The following UGT2B4 variants were observed in gnomAD, a reference collection of about 807,000 sequenced individuals.
UGT2B4 encodes UDP glucuronosyltransferase family 2 member B4.
UGT2B4 carries 49 observed loss-of-function variants against 49.8 expected under a neutral mutation model. The observed-to-expected ratio is 0.98, with a 90% confidence interval of 0.78 to 1.25. UGT2B4 has a LOEUF of 1.25. Among genes scored for constraint, UGT2B4 ranks in the 50% most tolerant of loss-of-function variants. The pLI is 0.00. For missense variants in UGT2B4, 729 were observed against 627.7 expected (o/e 1.16, Z -1.73); for synonymous variants, 246 against 217.7 (o/e 1.13, Z -1.14).
chr4:69,480,442 G>T lies in UGT2B4; in HGVS notation c.*192C>A. 1.3e-6 allele frequency: 1 copy of T among 764,156 alleles called. No homozygotes were observed. Among genetic ancestry groups the T allele is most frequent in the Non-Finnish European group, 2.0e-6 (1 of 501,410 alleles). 47.3% of individuals were successfully genotyped at this position (764,156 alleles called of 1,614,324 possible). A position where few individuals can be genotyped will look rare whatever the true frequency, so the allele number is the denominator to read the frequency against. ...TTATATCATTTTTGTTTTCCCTAAT[G>T]TTTTCCTCCTTGACATGAAATATTT... On this transcript the variant is annotated 3_prime_UTR_variant, in exon 6 of 6. Transcript: ENST00000305107.
rs1560439089 is a variant in UGT2B4 at position 69,502,115 on chromosome 4, TTC to T, written c.-105-6151_-105-6150del. 2.4e-5 allele frequency among the ~76,000 whole-genome samples: 3 copies of T among 122,546 alleles called. No homozygotes were observed. The South Asian group carries it at 7.8e-4, about 32-fold the overall frequency. The allele number at this position is 122,546 out of a possible 152,430, so 80.4% of individuals were successfully genotyped here. A position where few individuals can be genotyped will look rare whatever the true frequency, so the allele number is the denominator to read the frequency against. On this transcript the variant is annotated intron_variant, in intron 1 of 1. Transcript: ENST00000510114. ...TCTCTTTCTTTCTTTCTTTCTTTCT[TTC>T]TTTCTTTCTTTCTTTCTTTCTTTCT...
At position 69,495,229 on chromosome 4, in the gene UGT2B4, T is replaced by A. The variant is rs759448657; in HGVS notation, c.633A>T (p.Val211=). The change falls in exon 1 of 6, where the codon GTA becomes GTT. Residue 211 remains valine (V), a synonymous_variant. Transcript: ENST00000305107. ...AATAAAGCACATAGATCATATTTTT[T>A]ACCCTCTCTATGAAAGTCATTTGGT... ...LSDQMTFIER[V]KNMIYVLYFE... 36 of 1,609,052 alleles carry A rather than the reference T, an allele frequency of 2.2e-5. No individual in the cohort carries two copies. In the Admixed American group the frequency reaches 6.2e-4, roughly 27 times the overall value.
intron 1 of UGT2B4, among the ~76,000 whole-genome samples, chr4:69,494,716 C>T (rs1278104259): frequency 6.6e-6 from 1 of 152,000 alleles, no homozygotes; most frequent in Non-Finnish European, 1.5e-5. Context: ...AATAATAAGA[C>T]TGAAATATAC....
In UGT2B4 at chr4:69,507,775, A is replaced by G. The variant is rs569072334; in HGVS notation, c.-105-11809T>C. Among the ~76,000 whole-genome samples the G allele has an allele frequency of 1.3e-4, 20 of 152,340 alleles. No homozygotes were observed. In the East Asian group the frequency reaches 3.3e-3, roughly 25 times the overall value. On this transcript the variant is annotated intron_variant, in intron 1 of 1. Coordinates refer to the UGT2B4 transcript ENST00000510114. ...AAAACCCTGGAAGACAAACTATGCA[A>G]TAGCATTCAGAATATAGACACGGGC...
intron 1 of UGT2B4, among the ~76,000 whole-genome samples, chr4:69,516,873 CTTCT>C (rs1161082002): frequency 1.4e-5 from 2 of 140,016 alleles, no homozygotes; most frequent in African/African-American, 5.4e-5. Flanking sequence ...CTCCCAAAGG[CTTCT>C]TTTTTTTTTT....
At chr4:69,515,932 A>C (rs558592890) in intron 1 of UGT2B4, among the ~76,000 whole-genome samples, 1 of 152,242 alleles carries the variant, frequency 6.6e-6, no homozygotes, top group East Asian at 1.9e-4. Flanking sequence ...TGCTGCACAG[A>C]TCAACCCATC....
At chr4:69,502,557 T>C (rs1728369556) in intron 1 of UGT2B4, among the ~76,000 whole-genome samples, 1 of 152,128 alleles carries the variant, frequency 6.6e-6, no homozygotes, top group African/African-American at 2.4e-5. Context: ...CCCAGCATAC[T>C]GCAGCAGCCC....
At chr4:69,523,371 T>C (rs1728888426) in intron 1 of UGT2B4, among the ~76,000 whole-genome samples, 1 of 152,166 alleles carries the variant, frequency 6.6e-6, no homozygotes, top group Non-Finnish European at 1.5e-5. Context: ...GGTTGCAAAA[T>C]AGATGTAATG....
Position 69,504,167 on chromosome 4 carries a change from C to T in UGT2B4, c.-105-8201G>A, listed in dbSNP as rs959920491. ...AAAACTCAAAAAGCCACAGTACCTTCCCTCATCCAATGACCACATCACCTC... is the reference window on the plus strand; with the variant it reads ...AAAACTCAAAAAGCCACAGTACCTTTCCTCATCCAATGACCACATCACCTC... On this transcript the variant is annotated intron_variant, in intron 1 of 1. Transcript: ENST00000510114. Among the ~76,000 whole-genome samples the T allele has an allele frequency of 2.6e-5, 4 of 152,152 alleles. No homozygotes were observed. In the East Asian group the frequency reaches 7.7e-4, roughly 29 times the overall value.
At chr4:69,483,644 T>C (rs1212409559) in intron 5 of UGT2B4, among the ~76,000 whole-genome samples, 1 of 152,192 alleles carries the variant, frequency 6.6e-6, no homozygotes, top group Non-Finnish European at 1.5e-5. Context: ...ATTTTCTTTG[T>C]GATAAAGTAC....
At chr4:69,524,482 T>C (rs1422410347) in intron 1 of UGT2B4, among the ~76,000 whole-genome samples, 2 of 151,876 alleles carry the variant, frequency 1.3e-5, no homozygotes, top group Admixed American at 6.6e-5. Flanking sequence ...ATATCTTATA[T>C]GGGCATAATT....
At chr4:69,518,245 C>CTG (rs1041136925) in intron 1 of UGT2B4, 1 of 152,764 alleles carries the variant, frequency 6.5e-6, no homozygotes, top group African/African-American at 2.4e-5. Context: ...ACACTGTTAC[C>CTG]TGGTGACCCC....
chr4:69,485,565 G>T, intron 4 of UGT2B4, 138 bp from the exon 5 acceptor site: 3 of 1,217,444 alleles, frequency 2.5e-6, no homozygotes, highest in Non-Finnish European at 3.5e-6. Flanking sequence ...TTCAGAGGAA[G>T]GAACGCCTAC....
chr4:69,502,149 C>CT (rs1327985495), intron 1 of UGT2B4, among the ~76,000 whole-genome samples: 19 of 64,132 alleles, frequency 3.0e-4, no homozygotes, highest in African/African-American at 3.4e-4. Context: ...TTCTTTCTTT[C>CT]TCTTTCTTTC....
upstream of UGT2B4, among the ~76,000 whole-genome samples, chr4:69,496,279 C>A (rs941390): frequency 3.5e-3 from 539 of 152,154 alleles, 6 homozygotes; most frequent in Non-Finnish European, 5.6e-3. Context: ...CCCTCCTTGG[C>A]CTCCCAAAGT....
At chr4:69,498,082 G>A (rs990188600), upstream of UGT2B4, among the ~76,000 whole-genome samples, 1 of 152,176 alleles carries the variant, frequency 6.6e-6, no homozygotes, top group African/African-American at 2.4e-5. Flanking sequence ...TTTTAATTAA[G>A]GTGTGTACTT....
intron 4 of UGT2B4, among the ~76,000 whole-genome samples, chr4:69,486,318 T>A (rs1336639109): frequency 6.6e-6 from 1 of 152,040 alleles, no homozygotes; most frequent in African/African-American, 2.4e-5. Context: ...TGTAAAGTTG[T>A]AGAAATATGA....
chr4:69,487,685 A>C (rs2109806860), intron 3 of UGT2B4, among the ~76,000 whole-genome samples: 1 of 152,072 alleles, frequency 6.6e-6, no homozygotes, highest in South Asian at 2.1e-4. Context: ...CATACAACAA[A>C]CCCCAAGACA....
At chr4:69,484,872 T>A (rs1365929010) in intron 5 of UGT2B4, among the ~76,000 whole-genome samples, 1 of 152,214 alleles carries the variant, frequency 6.6e-6, no homozygotes, top group Non-Finnish European at 1.5e-5. Context: ...TTTTAGATAT[T>A]GAATTAAAAT....
Sources: allele counts gnomAD v4.1 joint callset (sites outside exome capture counted in the v4.1 genomes callset), GRCh38; gene constraint gnomAD v4.1.1; transcripts MANE v1.5; gene names NCBI Gene and HGNC (gene_info 2026-07-23, HGNC 2026-07-21).